ALDH1A2: variants seen among roughly 807,000 people sequenced by gnomAD.
The protein encoded by ALDH1A2 is retinal dehydrogenase 2.
A neutral mutation model predicts 60.3 loss-of-function variants in ALDH1A2; 27 were observed. The ratio of observed to expected loss-of-function variants is 0.45; its 90% CI spans 0.33 to 0.62. The LOEUF is 0.62. ALDH1A2 is among the 20% of genes least tolerant of loss of function. ALDH1A2 has a pLI of 0.02. For missense variants in ALDH1A2, 581 were observed against 643.8 expected, an observed-to-expected ratio of 0.90 and a Z score of 1.06; for synonymous variants, 289 against 232.4, an observed-to-expected ratio of 1.24 and a Z score of -2.21.
chr15:58,004,687 C>T (rs1402996349), intron 4 of ALDH1A2, among the ~76,000 whole-genome samples: 1 of 113,780 alleles, frequency 8.8e-6, no homozygotes, highest in African/African-American at 3.0e-5. Flanking sequence ...TGTAGTATCC[C>T]ATGATTTGTG....
At chr15:58,032,602 T>C (rs1896269639) in intron 1 of ALDH1A2, among the ~76,000 whole-genome samples, 1 of 152,086 alleles carries the variant, frequency 6.6e-6, no homozygotes, top group African/African-American at 2.4e-5. Context: ...ACAACCACTA[T>C]GGAAAACAGT....
intron 9 of ALDH1A2, 86 bp downstream of exon 9, chr15:57,963,799 C>T (rs1402369983): frequency 1.4e-5 from 20 of 1,414,738 alleles, no homozygotes; most frequent in Middle Eastern, 1.8e-4. Context: ...AGGAAGATGT[C>T]GCTTTGCTGG....
At chr15:57,973,153 T>A (rs1304181211) in intron 7 of ALDH1A2, among the ~76,000 whole-genome samples, 2 of 152,234 alleles carry the variant, frequency 1.3e-5, no homozygotes, top group African/African-American at 4.8e-5. Flanking sequence ...TTTGTTAACC[T>A]GAGTAAAGAA....
chr15:58,042,754 G>T (rs1488280932), intron 1 of ALDH1A2, among the ~76,000 whole-genome samples: 1 of 151,860 alleles, frequency 6.6e-6, no homozygotes, highest in Non-Finnish European at 1.5e-5. Flanking sequence ...GACTATGGAC[G>T]TATTTACTAA....
At chr15:58,015,066 A>C (rs1450541744) in intron 1 of ALDH1A2, among the ~76,000 whole-genome samples, 1 of 152,202 alleles carries the variant, frequency 6.6e-6, no homozygotes, top group African/African-American at 2.4e-5. Flanking sequence ...AGGCCAGAAA[A>C]ATTTTAAATT....
Position 58,065,518 on chromosome 15 carries a change from CT to C in ALDH1A2, c.117+15del. 1 of 1,600,834 alleles carries C rather than the reference CT, an allele frequency of 6.2e-7. No individual in the cohort carries two copies. The highest frequency in any genetic ancestry group is 1.7e-5 in the Admixed American group (1 of 60,002). ...AGAAAGTCTCCGTGGACGACGGGCGCTGGGCGGCCGCTTACCTTGGTGTACT... is the reference window on the plus strand; with the variant it reads ...AGAAAGTCTCCGTGGACGACGGGCGCGGGCGGCCGCTTACCTTGGTGTACT... On this transcript the variant is annotated intron_variant, in intron 1 of 12. Coordinates refer to ENST00000249750, the MANE Select transcript of ALDH1A2 (RefSeq NM_003888.4).
In ALDH1A2 at chr15:57,967,297, T is replaced by C. The variant is rs34365924; in HGVS notation, c.799-1470A>G. 8.3e-3 allele frequency among the ~76,000 whole-genome samples: 1,264 copies of C among 152,224 alleles called. 22 individuals are homozygous for C. Among genetic ancestry groups the C allele is most frequent in the African/African-American group, 0.029 (1,193 of 41,540 alleles). On this transcript the variant is annotated intron_variant, in intron 7 of 12. Coordinates refer to ENST00000249750, the MANE Select transcript of ALDH1A2 (RefSeq NM_003888.4). ...ATAAAAATACTATGTACTTCAGAAT[T>C]ATATTTTGAGGATTAAGTGGTGTAC...
At chr15:58,030,409 T>A (rs967483800) in intron 1 of ALDH1A2, among the ~76,000 whole-genome samples, 4 of 152,178 alleles carry the variant, frequency 2.6e-5, no homozygotes, top group Non-Finnish European at 5.9e-5. Context: ...AAGAGCTATT[T>A]ATGACAAACT....
chr15:58,050,452 T>C (rs553388393), intron 1 of ALDH1A2, among the ~76,000 whole-genome samples: 1 of 152,284 alleles, frequency 6.6e-6, no homozygotes, highest in East Asian at 1.9e-4. Context: ...TCATAGGGTA[T>C]ACTGATACTA....
chr15:58,013,910 C>A lies in ALDH1A2; in HGVS notation c.311G>T (p.Arg104Leu). Residue 104 changes from arginine to leucine, a missense_variant, in exon 3 of 13, where the codon CGT becomes CTT. Transcript: ENST00000249750. ...CAAGTCTGCAAGCTTATCCAACAGACGTCCCCTTTCTGAAGCATCCATCCT... is the reference window on the plus strand; with the variant it reads ...CAAGTCTGCAAGCTTATCCAACAGAAGTCCCCTTTCTGAAGCATCCATCCT... The part of the protein sequence containing the change: ...WRRMDASERG[R>L]LLDKLADLVE... The A allele has an allele frequency of 6.2e-7, 1 of 1,614,142 alleles. No individual in the cohort carries two copies. The highest frequency in any genetic ancestry group is 1.1e-5 in the South Asian group (1 of 91,092).
chr15:58,022,613 C>T lies in ALDH1A2; in HGVS notation c.118-8332G>A, dbSNP rs148397471. ...TTCCACACTGAGGCACAAAGACAGG[C>T]ACACTCAACCCACCACTGCAACCAC... On this transcript the variant is annotated intron_variant, in intron 1 of 12. Transcript: ENST00000249750. 2.4e-4 allele frequency among the ~76,000 whole-genome samples: 37 copies of T among 152,248 alleles called. 1 individual carries two copies. In the East Asian group the frequency reaches 6.6e-3, roughly 27 times the overall value.
At chr15:57,965,100 T>C (rs1200144296) in intron 8 of ALDH1A2, among the ~76,000 whole-genome samples, 2 of 152,098 alleles carry the variant, frequency 1.3e-5, no homozygotes, top group East Asian at 1.9e-4. Context: ...CTGTGCAGAA[T>C]GGCCTAGGTG....
intron 7 of ALDH1A2, among the ~76,000 whole-genome samples, chr15:57,974,275 T>C (rs781570028): frequency 6.6e-6 from 1 of 151,518 alleles, no homozygotes; most frequent in Non-Finnish European, 1.5e-5. Context: ...CTACTAAAAA[T>C]ACAAAACATT....
chr15:58,005,229 G>C (rs1311164635), intron 4 of ALDH1A2, among the ~76,000 whole-genome samples: 1 of 151,888 alleles, frequency 6.6e-6, no homozygotes, highest in Non-Finnish European at 1.5e-5. Context: ...TTATCACTTA[G>C]ACATCCCACC....
Position 58,019,906 on chromosome 15 carries a change from G to T in ALDH1A2, c.118-5625C>A, listed in dbSNP as rs1294887217. On this transcript the variant is annotated intron_variant, in intron 1 of 12. Coordinates refer to ENST00000249750, the MANE Select transcript of ALDH1A2 (RefSeq NM_003888.4). ...ATGTAAACATGTGCCACGGTGGTTT[G>T]CTGCACCTATCATCACATCACCTAG... 3.9e-5 allele frequency among the ~76,000 whole-genome samples: 6 copies of T among 152,078 alleles called. No individual in the cohort carries two copies. The East Asian group carries it at 1.2e-3, about 29-fold the overall frequency.
chr15:57,960,591 T>G (rs1331982215), intron 12 of ALDH1A2, among the ~76,000 whole-genome samples, 179 bp downstream of exon 12: 1 of 152,242 alleles, frequency 6.6e-6, no homozygotes, highest in Non-Finnish European at 1.5e-5. Context: ...GGAAATGGAA[T>G]TGTGTTTTAT....
At chr15:58,032,867 C>G (rs1346711911) in intron 1 of ALDH1A2, among the ~76,000 whole-genome samples, 1 of 151,908 alleles carries the variant, frequency 6.6e-6, no homozygotes, top group Non-Finnish European at 1.5e-5. Context: ...TGAATCATGT[C>G]ATTTGCAGCA....
At chr15:57,961,047 T>G in intron 11 of ALDH1A2, 90 bp downstream of exon 11, 1 of 1,551,836 alleles carries the variant, frequency 6.4e-7, no homozygotes, top group Non-Finnish European at 8.8e-7. Context: ...GCTTTTGGTA[T>G]TCCCCATCCT....
intron 12 of ALDH1A2, among the ~76,000 whole-genome samples, chr15:57,959,425 T>C (rs1399354347): frequency 6.6e-6 from 1 of 152,194 alleles, no homozygotes; most frequent in East Asian, 1.9e-4. Context: ...CCAGATTGGT[T>C]ATAGGTTCTG....
Sources: allele counts gnomAD v4.1 joint callset (sites outside exome capture counted in the v4.1 genomes callset), GRCh38; gene constraint gnomAD v4.1.1; transcripts MANE v1.5; gene names NCBI Gene and HGNC (gene_info 2026-07-23, HGNC 2026-07-21).